Variants in PRDM11 observed in about 807,000 individuals in gnomAD.
The protein encoded by PRDM11 is PR domain-containing protein 11.
PRDM11 carries 20 observed loss-of-function variants against 97.8 expected under a neutral mutation model. The ratio of observed to expected loss-of-function variants is 0.20; its 90% confidence interval spans 0.14 to 0.30. PRDM11 has a LOEUF of 0.30. Among genes scored for constraint, PRDM11 ranks in the 10% least tolerant of loss-of-function variants. The pLI, the probability that PRDM11 is intolerant of heterozygous loss-of-function variation, is 1.00. For missense variants in PRDM11, 1,139 were observed against 1,555.2 expected (o/e 0.73, Z 4.50); for synonymous variants, 599 against 637.7 (o/e 0.94, Z 0.91).
chr11:45,185,044 G>A (rs1428236260), intron 4 of PRDM11, among the ~76,000 whole-genome samples: 2 of 152,152 alleles, frequency 1.3e-5, no homozygotes, highest in Non-Finnish European at 2.9e-5. Context: ...GGAGAAGAGA[G>A]GTTCTCCAGG....
chr11:45,187,706 G>T (rs1429755891), intron 4 of PRDM11, among the ~76,000 whole-genome samples: 1 of 152,162 alleles, frequency 6.6e-6, no homozygotes, highest in Non-Finnish European at 1.5e-5. Flanking sequence ...AGGCTGCAAG[G>T]CCATATGGGG....
At chr11:45,130,116 C>T (rs536564554) in intron 1 of PRDM11, among the ~76,000 whole-genome samples, 3 of 151,924 alleles carry the variant, frequency 2.0e-5, no homozygotes, top group Non-Finnish European at 2.9e-5. Flanking sequence ...CTACCTCACA[C>T]CAAAATTAAT....
chr11:45,152,941 A>G (rs1045289478), intron 1 of PRDM11, among the ~76,000 whole-genome samples: 1 of 152,232 alleles, frequency 6.6e-6, no homozygotes, highest in African/African-American at 2.4e-5. Context: ...GAGGAAGCTG[A>G]CATGGTGATC....
chr11:45,204,570 A>G, intron 4 of PRDM11, 141 bp from the exon 5 acceptor site: 2 of 729,098 alleles, frequency 2.7e-6, no homozygotes, highest in Non-Finnish European at 4.8e-6. Context: ...CCTGCATTTC[A>G]GTTCTGTAGC....
chr11:45,109,071 G>A (rs561027996), intron 1 of PRDM11, among the ~76,000 whole-genome samples: 1 of 152,320 alleles, frequency 6.6e-6, no homozygotes, highest in African/African-American at 2.4e-5. Context: ...AGGCCTCTGG[G>A]CACTCAAGGC....
chr11:45,115,167 CTA>C (rs553546972), intron 1 of PRDM11, among the ~76,000 whole-genome samples: 2 of 149,294 alleles, frequency 1.3e-5, no homozygotes, highest in African/African-American at 4.9e-5. Flanking sequence ...GTGTGTATGT[CTA>C]TATATATATA....
chr11:45,111,543 A>C (rs1748256183), intron 1 of PRDM11, among the ~76,000 whole-genome samples: 1 of 152,162 alleles, frequency 6.6e-6, no homozygotes. Context: ...GAAAGGTTAA[A>C]GTTCTGTCTT....
chr11:45,115,080 G>A (rs1217410967), intron 1 of PRDM11, among the ~76,000 whole-genome samples: 2 of 151,962 alleles, frequency 1.3e-5, no homozygotes, highest in South Asian at 4.2e-4. Flanking sequence ...ATCTAAAAAA[G>A]ATATAATTAT....
chr11:45,147,289 G>C (rs972247395), intron 1 of PRDM11: 7 of 151,776 alleles, frequency 4.6e-5, no homozygotes, highest in East Asian at 2.0e-4. Flanking sequence ...CGGTGACACG[G>C]ACGGGGCGGG....
At chr11:45,146,348 G>A (rs1019283042), upstream of PRDM11, among the ~76,000 whole-genome samples, 1 of 152,208 alleles carries the variant, frequency 6.6e-6, no homozygotes, top group Non-Finnish European at 1.5e-5. Flanking sequence ...TAAAATTTGA[G>A]AACTTTTACT....
intron 1 of PRDM11, among the ~76,000 whole-genome samples, chr11:45,134,507 TGG>T (rs1852789057): frequency 6.6e-6 from 1 of 151,630 alleles, no homozygotes; most frequent in South Asian, 2.1e-4. Flanking sequence ...GAGACCAGCC[TGG>T]GCAACACAGC....
chr11:45,159,794 C>T (rs377682844), intron 1 of PRDM11, among the ~76,000 whole-genome samples: 16 of 152,342 alleles, frequency 1.1e-4, no homozygotes, highest in Admixed American at 8.5e-4. Flanking sequence ...TCTCCTCCTT[C>T]CTTCCTGAAC....
chr11:45,101,607 A>G (rs1378647486), intron 1 of PRDM11, among the ~76,000 whole-genome samples: 1 of 149,512 alleles, frequency 6.7e-6, no homozygotes, highest in Non-Finnish European at 1.5e-5. Flanking sequence ...GAAGGCGTTC[A>G]GGGCTCAGAG....
chr11:45,106,012 G>T (rs1852055981), intron 1 of PRDM11, among the ~76,000 whole-genome samples: 1 of 152,110 alleles, frequency 6.6e-6, no homozygotes, highest in Non-Finnish European at 1.5e-5. Context: ...ACTCAAATGT[G>T]CAAGAAATCA....
intron 1 of PRDM11, among the ~76,000 whole-genome samples, chr11:45,173,014 A>G (rs1852239006): frequency 6.6e-6 from 1 of 152,208 alleles, no homozygotes; most frequent in Non-Finnish European, 1.5e-5. Context: ...GTCATGAAAT[A>G]AAAGCCCTTC....
chr11:45,135,842 A>G (rs2135657072), intron 1 of PRDM11, among the ~76,000 whole-genome samples: 1 of 152,324 alleles, frequency 6.6e-6, no homozygotes, highest in Non-Finnish European at 1.5e-5. Context: ...CATCAGACAA[A>G]CTACAATAGA....
At chr11:45,143,595 A>G (rs1344684356), upstream of PRDM11, among the ~76,000 whole-genome samples, 1 of 152,226 alleles carries the variant, frequency 6.6e-6, no homozygotes, top group Non-Finnish European at 1.5e-5. Context: ...GAAAAGGACA[A>G]TGAACCAGAA....
intron 4 of PRDM11, among the ~76,000 whole-genome samples, chr11:45,195,130 G>A (rs907604547): frequency 6.6e-6 from 1 of 152,054 alleles, no homozygotes; most frequent in African/African-American, 2.4e-5. Context: ...CATAGGATAT[G>A]TAGGACGTAA....
At chr11:45,156,725 C>A (rs1033218718) in intron 1 of PRDM11, among the ~76,000 whole-genome samples, 2 of 152,212 alleles carry the variant, frequency 1.3e-5, no homozygotes, top group Non-Finnish European at 2.9e-5. Flanking sequence ...GCCTGGCTTG[C>A]TCATGGATAT....
Sources: gnomAD v4.1 joint callset for allele counts (sites outside exome capture counted in the v4.1 genomes callset) on GRCh38, gnomAD v4.1.1 for gene constraint, MANE v1.5 for transcripts, NCBI Gene and HGNC (gene_info 2026-07-23, HGNC 2026-07-21) for gene names.